The following NLRP3 variants were observed in gnomAD, a reference collection of about 807,000 sequenced individuals.
The protein encoded by NLRP3 is NLR family pyrin domain containing 3.
NLRP3 carries 48 observed loss-of-function variants against 91.3 expected under a neutral mutation model. The ratio of observed to expected loss-of-function variants is 0.53; its 90% CI spans 0.42 to 0.67. The LOEUF is 0.67. Among genes scored for constraint, NLRP3 ranks in the 30% least tolerant of loss-of-function variants. The probability of loss-of-function intolerance (pLI) is 0.00; values close to 1 mark genes in which losing one functional copy is unlikely to be tolerated. For synonymous variants in NLRP3, 561 were observed against 507.9 expected, an observed-to-expected ratio of 1.10 and a Z score of -1.41; for missense variants, 982 against 1,276.9, an observed-to-expected ratio of 0.77 and a Z score of 3.52.
rs539493028 is a variant in NLRP3 at position 247,446,115 on chromosome 1, C to T, written c.3005+1294C>T. Among the ~76,000 whole-genome samples, 5 of 152,306 alleles carry T rather than the reference C, an allele frequency of 3.3e-5. No individual in the cohort carries two copies. In the South Asian group the frequency reaches 6.2e-4, roughly 19 times the overall value. Reference sequence around the variant, plus strand: ...CGGGCCAAAACATTTCTGGTTCTGTCGTCACTGTCTCTTTTTCCTTATAAT... The same window carrying T: ...CGGGCCAAAACATTTCTGGTTCTGTTGTCACTGTCTCTTTTTCCTTATAAT... On this transcript the variant is annotated intron_variant, in intron 9 of 9. Coordinates refer to ENST00000336119, the MANE Select transcript of NLRP3 (RefSeq NM_001243133.2).
rs978378200 is a variant in NLRP3 at position 247,439,757 on chromosome 1, T to C, written c.2663+3617T>C. Reference sequence around the variant, plus strand: ...TGTGATATCCTTTTTTCATTTATCATGGATAAATTTCCATGCTGATTTGTG... The same window carrying C: ...TGTGATATCCTTTTTTCATTTATCACGGATAAATTTCCATGCTGATTTGTG... On this transcript the variant is annotated intron_variant, in intron 7 of 9. Transcript: ENST00000336119. Among the ~76,000 whole-genome samples, 4 of 152,354 alleles carry C rather than the reference T, an allele frequency of 2.6e-5. No homozygotes were observed. In the East Asian group the frequency reaches 7.7e-4, roughly 29 times the overall value.
intron 5 of NLRP3, among the ~76,000 whole-genome samples, chr1:247,430,773 C>CT (rs34058758): frequency 0.034 from 5,056 of 147,268 alleles, 165 homozygotes; most frequent in African/African-American, 0.083. Flanking sequence ...TATGAAAATA[C>CT]TTTTTTTTTT....
At chr1:247,438,650 T>C (rs1188707638) in intron 7 of NLRP3, among the ~76,000 whole-genome samples, 1 of 152,200 alleles carries the variant, frequency 6.6e-6, no homozygotes, top group Non-Finnish European at 1.5e-5. Flanking sequence ...TCCCAAAGTG[T>C]TGGGATTACA....
At chr1:247,435,856 A>G in intron 6 of NLRP3, 114 bp from the exon 7 acceptor site, 1 of 965,772 alleles carries the variant, frequency 1.0e-6, no homozygotes, top group Non-Finnish European at 1.7e-6. Context: ...GCTTGTGTCC[A>G]CTCCCTTTCC....
chr1:247,423,212 CT>C lies in NLRP3; in HGVS notation c.278-10del, dbSNP rs763401860. Reference sequence around the variant, plus strand: ...TGATAATAGTTCTGGGTTTTGACACCTTTTTTTTCCCTTTTAGGTTCAGATA... The same window carrying C: ...TGATAATAGTTCTGGGTTTTGACACCTTTTTTTCCCTTTTAGGTTCAGATA... On this transcript the variant is annotated splice_polypyrimidine_tract_variant and intron_variant, in intron 2 of 9. Coordinates refer to ENST00000336119, the MANE Select transcript of NLRP3 (RefSeq NM_001243133.2). 15 of 1,612,300 alleles carry C rather than the reference CT, an allele frequency of 9.3e-6. No homozygotes were observed. Among genetic ancestry groups the C allele is most frequent in the African/African-American group, 6.7e-5 (5 of 74,934 alleles).
At chr1:247,433,198 C>T (rs1663471247) in intron 5 of NLRP3, among the ~76,000 whole-genome samples, 1 of 151,512 alleles carries the variant, frequency 6.6e-6, no homozygotes, top group Admixed American at 6.6e-5. Context: ...CAAAGTGAGA[C>T]CCTGTCTTTA....
intron 5 of NLRP3, among the ~76,000 whole-genome samples, chr1:247,431,186 A>G (rs1336719390): frequency 7.3e-6 from 1 of 136,970 alleles, no homozygotes; most frequent in East Asian, 2.1e-4. Flanking sequence ...TCCATTTCAA[A>G]ATAATAATAA....
In NLRP3 at chr1:247,424,528, T is replaced by G; in HGVS notation, c.1079T>G (p.Leu360Arg). Reference protein sequence around the residue: ...PVALEKLQHLLDHPRHVEILG... With the variant: ...PVALEKLQHLRDHPRHVEILG... Reference sequence around the variant, plus strand: ...GCCCTGGAGAAACTGCAGCACTTGCTGGACCATCCTCGGCATGTGGAGATC... The same window carrying G: ...GCCCTGGAGAAACTGCAGCACTTGCGGGACCATCCTCGGCATGTGGAGATC... Residue 360 changes from leucine (L) to arginine (R), a missense_variant, in exon 4 of 10, where the codon CTG (leucine) becomes CGG (arginine). Leu to Arg is a moderately radical substitution (Grantham distance 102). This residue lies in a region of NLRP3 where 548 missense variants were observed against 713.7 expected (regional missense o/e 0.77). Coordinates refer to ENST00000336119, the MANE Select transcript of NLRP3 (RefSeq NM_001243133.2). The surrounding 1 kb of genome is among the most constrained non-coding windows in gnomAD (Gnocchi z 8.1). 1.9e-6 allele frequency: 3 copies of G among 1,614,208 alleles called. No individual in the cohort carries two copies. Among genetic ancestry groups the G allele is most frequent in the Non-Finnish European group, 2.5e-6 (3 of 1,180,050 alleles).
intron 7 of NLRP3, among the ~76,000 whole-genome samples, chr1:247,438,476 C>T (rs58546652): frequency 0.58 from 86,961 of 150,476 alleles, 25,484 homozygotes; most frequent in Non-Finnish European, 0.62. Context: ...CTCTGCCTCC[C>T]GGGTTCCAAC....
At chr1:247,442,684 A>AT (rs1161024503) in intron 7 of NLRP3, among the ~76,000 whole-genome samples, 1 of 152,130 alleles carries the variant, frequency 6.6e-6, no homozygotes, top group East Asian at 1.9e-4. Context: ...GAAACATGTA[A>AT]TTTTTATAAG....
At chr1:247,427,682 C>T (rs1169690967) in intron 4 of NLRP3, among the ~76,000 whole-genome samples, 3 of 133,924 alleles carry the variant, frequency 2.2e-5, no homozygotes, top group Non-Finnish European at 1.6e-5. Context: ...TGAGGACAGA[C>T]TCTGATTGGA....
chr1:247,427,172 C>T (rs2103120860), intron 4 of NLRP3, among the ~76,000 whole-genome samples: 1 of 152,212 alleles, frequency 6.6e-6, no homozygotes, highest in East Asian at 1.9e-4. Context: ...GGTGAAGAGG[C>T]AAGGCAGCTC....
intron 7 of NLRP3, among the ~76,000 whole-genome samples, chr1:247,441,056 T>A (rs1443128908): frequency 6.7e-6 from 1 of 148,838 alleles, no homozygotes; most frequent in African/African-American, 2.5e-5. Context: ...AAATGTTTGA[T>A]CTTCTTCTTC....
chr1:247,438,385 T>TG (rs1265113046), intron 7 of NLRP3, among the ~76,000 whole-genome samples: 8 of 140,784 alleles, frequency 5.7e-5, no homozygotes, highest in Non-Finnish European at 1.2e-4. Context: ...TGTGTTTTTT[T>TG]TTTTTTTTTT....
rs1260946773 is a variant in NLRP3 at position 247,422,399 on chromosome 1, TTA to T, written c.278-829_278-828del. 5.2e-3 allele frequency among the ~76,000 whole-genome samples: 791 copies of T among 151,062 alleles called. 10 individuals are homozygous for T. The highest frequency in any genetic ancestry group is 0.019 in the African/African-American group (757 of 40,710). On this transcript the variant is annotated intron_variant, in intron 2 of 9. Coordinates refer to ENST00000336119, the MANE Select transcript of NLRP3 (RefSeq NM_001243133.2). ...GTCTCAAAAAAAAAAAAAAAATCAT[TTA>T]TGTTACTTGTAGATTCCTGCCCACC...
chr1:247,423,938 C>A lies in NLRP3; in HGVS notation c.489C>A (p.Asn163Lys). The A allele has an allele frequency of 1.2e-6, 2 of 1,613,988 alleles. No individual in the cohort carries two copies. The highest frequency in any genetic ancestry group is 1.7e-6 in the Non-Finnish European group (2 of 1,179,988). Residue 163 changes from asparagine to lysine, a missense_variant, in exon 4 of 10, where the codon AAC becomes AAA. This residue lies in a region of NLRP3 where 548 missense variants were observed against 713.7 expected (regional missense o/e 0.77). Coordinates refer to ENST00000336119, the MANE Select transcript of NLRP3 (RefSeq NM_001243133.2). ...GTCTGGGTGAGAGTGTGAGCCTCAACAAACGCTACACACGACTGCGTCTCA... is the reference window on the plus strand; with the variant it reads ...GTCTGGGTGAGAGTGTGAGCCTCAAAAAACGCTACACACGACTGCGTCTCA... ...NARLGESVSL[N>K]KRYTRLRLIK... is the part of the protein sequence containing the mutation.
intron 9 of NLRP3, among the ~76,000 whole-genome samples, chr1:247,448,011 CTTT>C (rs112008153): frequency 8.3e-5 from 12 of 144,432 alleles, no homozygotes; most frequent in African/African-American, 1.3e-4. Flanking sequence ...GCACTTAGAG[CTTT>C]TTTTTTTTTT....
At chr1:247,422,154 G>A (rs1391850682) in intron 2 of NLRP3, among the ~76,000 whole-genome samples, 2 of 152,160 alleles carry the variant, frequency 1.3e-5, no homozygotes, top group Non-Finnish European at 2.9e-5. Flanking sequence ...CAAGATGGGA[G>A]GATTGCTTGA....
intron 5 of NLRP3, among the ~76,000 whole-genome samples, chr1:247,432,688 C>T (rs914095486): frequency 6.6e-6 from 1 of 152,102 alleles, no homozygotes; most frequent in Non-Finnish European, 1.5e-5. Context: ...TGTCCATTTG[C>T]TTGAAGTTGG....
Sources: allele counts gnomAD v4.1 joint callset (sites outside exome capture counted in the v4.1 genomes callset), GRCh38; gene constraint gnomAD v4.1.1; regional missense constraint gnomAD v4.1.1; non-coding constraint Gnocchi (gnomAD v3.1); transcripts MANE v1.5; gene names NCBI Gene and HGNC (gene_info 2026-07-23, HGNC 2026-07-21).